CALN1: variants seen among roughly 807,000 people sequenced by gnomAD.
CALN1 encodes calcium-binding protein 8.
In CALN1, 17 loss-of-function variants were observed where a neutral mutation model predicts 30.6. The ratio of observed to expected loss-of-function variants is 0.56; its 90% CI spans 0.38 to 0.83. CALN1 has a LOEUF of 0.83. Ranked by LOEUF, CALN1 falls within the 40% of genes least tolerant of loss-of-function variation. CALN1 has a pLI of 0.00. For missense variants in CALN1, 291 were observed against 354.9 expected, an observed-to-expected ratio of 0.82 and a Z score of 1.45; for synonymous variants, 156 against 131.4, an observed-to-expected ratio of 1.19 and a Z score of -1.28.
chr7:72,055,914 A>C (rs774820316), intron 4 of CALN1, among the ~76,000 whole-genome samples: 166 of 152,272 alleles, frequency 1.1e-3, no homozygotes, highest in Non-Finnish European at 1.7e-3. Context: ...CCAACTACTC[A>C]GGAGGCTGAG....
chr7:72,203,886 C>T (rs1320246688), intron 3 of CALN1, among the ~76,000 whole-genome samples: 1 of 151,350 alleles, frequency 6.6e-6, no homozygotes, highest in Non-Finnish European at 1.5e-5. Flanking sequence ...TAAAATATAC[C>T]CATTATCCCA....
chr7:72,053,694 C>T (rs1337631835), intron 4 of CALN1, among the ~76,000 whole-genome samples: 2 of 151,834 alleles, frequency 1.3e-5, no homozygotes, highest in East Asian at 1.9e-4. Context: ...TATTTGATTA[C>T]GAGTAAGCTT....
chr7:72,223,801 T>C (rs1434028093), intron 3 of CALN1, among the ~76,000 whole-genome samples: 1 of 152,174 alleles, frequency 6.6e-6, no homozygotes, highest in Non-Finnish European at 1.5e-5. Flanking sequence ...ATAGACACCA[T>C]GGAATACTAT....
rs191177622 is a variant in CALN1, at chr7:72,115,092, T to C, written c.245-8798A>G. 6.1e-3 allele frequency among the ~76,000 whole-genome samples: 906 copies of C among 147,698 alleles called. 5 individuals are homozygous for C. The highest frequency in any genetic ancestry group is 0.02 in the African/African-American group (791 of 40,336). ...GACATTACATTATATATGGACATTA[T>C]ACTATATATATAGTATAATATATAT... On this transcript the variant is annotated intron_variant, in intron 3 of 6. Coordinates refer to ENST00000395275, the MANE Select transcript of CALN1 (RefSeq NM_031468.4).
rs188001569 is a variant in CALN1 at position 71,913,337 on chromosome 7, A to G, written c.502-102845T>C. ...GCCTTATAGCCACTGTTAGGATTCT[A>G]TGAGCTGGCTTCTGAAACCTCCTTT... On this transcript the variant is annotated intron_variant, in intron 5 of 6. Coordinates refer to ENST00000395275, the MANE Select transcript of CALN1 (RefSeq NM_031468.4). Among the ~76,000 whole-genome samples the G allele has an allele frequency of 1.8e-3, 269 of 152,298 alleles. 1 individual carries two copies. The highest frequency in any genetic ancestry group is 6.2e-3 in the African/African-American group (256 of 41,576).
At chr7:72,214,245 C>T (rs911304718) in intron 3 of CALN1, among the ~76,000 whole-genome samples, 3 of 152,130 alleles carry the variant, frequency 2.0e-5, no homozygotes, top group Admixed American at 1.3e-4. Context: ...TTTGGGAGGC[C>T]TAGGCAGACG....
At chr7:72,063,770 T>C (rs549284302) in intron 4 of CALN1, among the ~76,000 whole-genome samples, 2 of 152,266 alleles carry the variant, frequency 1.3e-5, no homozygotes, top group South Asian at 2.1e-4. Flanking sequence ...GAAATGCTCA[T>C]TGGGGCATTT....
At chr7:71,933,565 C>T (rs1010727492) in intron 5 of CALN1, among the ~76,000 whole-genome samples, 6 of 152,002 alleles carry the variant, frequency 3.9e-5, no homozygotes, top group Admixed American at 6.5e-5. Flanking sequence ...GCTTCAACAT[C>T]GTAAAAGAAA....
At chr7:72,117,238 AC>A (rs1277608461) in intron 3 of CALN1, among the ~76,000 whole-genome samples, 2 of 152,138 alleles carry the variant, frequency 1.3e-5, no homozygotes, top group Non-Finnish European at 1.5e-5. Context: ...GATTGCTTGA[AC>A]CCAAGAGTTT....
Position 71,781,989 on chromosome 7 carries a change from C to A in CALN1, c.*5786G>T, listed in dbSNP as rs996790226. On this transcript the variant is annotated 3_prime_UTR_variant, in exon 7 of 7. Coordinates refer to ENST00000395275, the MANE Select transcript of CALN1 (RefSeq NM_031468.4). Reference sequence around the variant, plus strand: ...ACAGTATTGTCATGTCTCTCGAGACCCTATGAAGAGTCCCAAATGAATATG... The same window carrying A: ...ACAGTATTGTCATGTCTCTCGAGACACTATGAAGAGTCCCAAATGAATATG... The A allele has an allele frequency of 1.3e-5, 2 of 152,228 alleles. No homozygotes were observed. The highest frequency in any genetic ancestry group is 6.5e-5 in the Admixed American group (1 of 15,288). The allele number at this position is 152,228 out of a possible 1,614,324, so 9.4% of individuals were successfully genotyped here. A position where few individuals can be genotyped will look rare whatever the true frequency, so the allele number is the denominator to read the frequency against.
the CALN1 span, among the ~76,000 whole-genome samples, chr7:72,455,120 C>T: frequency 2.0e-5 from 3 of 151,938 alleles, no homozygotes; most frequent in Admixed American, 6.6e-5. Context: ...TGTGAGCCAC[C>T]GCGCCCGGCC....
chr7:72,323,166 A>T (rs141153825), intron 2 of CALN1, among the ~76,000 whole-genome samples: 1 of 151,722 alleles, frequency 6.6e-6, no homozygotes, highest in East Asian at 1.9e-4. Context: ...TGTAGAGAGG[A>T]CTCAGAGTGT....
intron 3 of CALN1, among the ~76,000 whole-genome samples, chr7:72,269,345 C>T (rs1298858786): frequency 6.6e-6 from 1 of 151,962 alleles, no homozygotes; most frequent in Non-Finnish European, 1.5e-5. Context: ...TCTCCTAATG[C>T]TATCCCTCCC....
In CALN1 at chr7:72,071,447, T is replaced by A. The variant is rs567414580; in HGVS notation, c.388+34704A>T. 3.1e-3 allele frequency among the ~76,000 whole-genome samples: 477 copies of A among 152,132 alleles called. 3 individuals are homozygous for A. The highest frequency in any genetic ancestry group is 5.6e-3 in the Non-Finnish European group (382 of 68,000). On this transcript the variant is annotated intron_variant, in intron 4 of 6. Transcript: ENST00000395275. ...TTTTTCTCTTTCCATCTTTTGGAAG[T>A]CAGACATCAAAGACTAAGATATTTA...
chr7:72,214,190 G>T (rs575072487), intron 3 of CALN1, among the ~76,000 whole-genome samples: 2 of 152,296 alleles, frequency 1.3e-5, no homozygotes, highest in South Asian at 2.1e-4. Context: ...ATAAATATTT[G>T]TATATTAGGC....
At position 71,939,288 on chromosome 7, in the gene CALN1, T is replaced by C. The variant is rs571735398; in HGVS notation, c.501+84369A>G. Among the ~76,000 whole-genome samples the C allele has an allele frequency of 3.3e-5, 5 of 151,790 alleles. No individual in the cohort carries two copies. In the South Asian group the frequency reaches 1.0e-3, roughly 32 times the overall value. Reference sequence around the variant, plus strand: ...TGTGTATGGATGTGGCCGGGCGTGGTGGCTCATGCCTGTAATCCCAGCAGT... The same window carrying C: ...TGTGTATGGATGTGGCCGGGCGTGGCGGCTCATGCCTGTAATCCCAGCAGT... On this transcript the variant is annotated intron_variant, in intron 5 of 6. Transcript: ENST00000395275.
chr7:72,183,433 T>C (rs1789959262), intron 3 of CALN1, among the ~76,000 whole-genome samples: 1 of 152,132 alleles, frequency 6.6e-6, no homozygotes, highest in South Asian at 2.1e-4. Context: ...ATACCTTAAA[T>C]CTGCCAGGTA....
At position 72,005,971 on chromosome 7, in the gene CALN1, G is replaced by A. The variant is rs193005256; in HGVS notation, c.501+17686C>T. On this transcript the variant is annotated intron_variant, in intron 5 of 6. Coordinates refer to ENST00000395275, the MANE Select transcript of CALN1 (RefSeq NM_031468.4). ...ACAAGCAAAACTGGGGAACTCCGAA[G>A]ACTATTAGCAGTTTGTATCAATATC... 1.4e-4 allele frequency among the ~76,000 whole-genome samples: 21 copies of A among 152,292 alleles called. 1 individual carries two copies. The East Asian group carries it at 3.5e-3, about 25-fold the overall frequency.
intron 4 of CALN1, among the ~76,000 whole-genome samples, chr7:72,086,822 C>G (rs949329709): frequency 6.6e-6 from 1 of 152,124 alleles, no homozygotes; most frequent in Non-Finnish European, 1.5e-5. Flanking sequence ...GAGAGAGAAG[C>G]TCAGCTAAAG....
Sources: allele counts gnomAD v4.1 joint callset (sites outside exome capture counted in the v4.1 genomes callset), GRCh38; gene constraint gnomAD v4.1.1; transcripts MANE v1.5; gene names NCBI Gene and HGNC (gene_info 2026-07-23, HGNC 2026-07-21).